THSD7B: variants seen among roughly 807,000 people sequenced by gnomAD.
THSD7B encodes the protein thrombospondin type-1 domain-containing protein 7B.
In THSD7B, 138 loss-of-function variants were observed where a neutral mutation model predicts 213.6. The observed-to-expected ratio is 0.65, with a 90% CI of 0.56 to 0.74. The LOEUF is 0.74. THSD7B is among the 30% of genes least tolerant of loss of function. THSD7B has a pLI of 0.00. For synonymous variants in THSD7B, 742 were observed against 687.0 expected, an observed-to-expected ratio of 1.08 and a Z score of -1.25; for missense variants, 1,931 against 1,991.5, an observed-to-expected ratio of 0.97 and a Z score of 0.58.
At position 137,430,026 on chromosome 2, in the gene THSD7B, T is replaced by C. The variant is rs150350743; in HGVS notation, c.2959+18154T>C. ...GGGAAACCTAGGTAGGAGGATCTCT[T>C]GAGCCCAGGATTTTGAGACCAGCCT... is the stretch of plus-strand genomic sequence containing the variant. On this transcript the variant is annotated intron_variant, in intron 14 of 27. Transcript: ENST00000409968. 5.9e-3 allele frequency among the ~76,000 whole-genome samples: 895 copies of C among 152,194 alleles called. 5 individuals are homozygous for C. The highest frequency in any genetic ancestry group is 9.7e-3 in the Non-Finnish European group (660 of 67,992).
chr2:137,556,437 A>G (rs1680969612), intron 15 of THSD7B, among the ~76,000 whole-genome samples: 1 of 152,176 alleles, frequency 6.6e-6, no homozygotes, highest in Non-Finnish European at 1.5e-5. Flanking sequence ...ATATCCAGCC[A>G]AACTAAGCTT....
intron 14 of THSD7B, among the ~76,000 whole-genome samples, chr2:137,429,470 ACATT>A (rs2105037665): frequency 6.6e-6 from 1 of 152,334 alleles, no homozygotes; most frequent in African/African-American, 2.4e-5. Context: ...CACTATACAC[ACATT>A]CACACACATT....
chr2:137,445,400 A>G (rs1452528241), intron 14 of THSD7B, among the ~76,000 whole-genome samples: 1 of 152,044 alleles, frequency 6.6e-6, no homozygotes, highest in Non-Finnish European at 1.5e-5. Flanking sequence ...ATGTATATAC[A>G]CAATGGAATA....
At chr2:136,914,006 A>G (rs1252659330) in intron 2 of THSD7B, among the ~76,000 whole-genome samples, 1 of 152,184 alleles carries the variant, frequency 6.6e-6, no homozygotes, top group Non-Finnish European at 1.5e-5. Context: ...AAAGCCACAG[A>G]CACTCAACAC....
Position 137,467,971 on chromosome 2 carries a change from A to G in THSD7B, c.3138+16948A>G, listed in dbSNP as rs1227049325. ...TGTAAGCCTCTTTGGGTTATTTATG[A>G]ATGATTTAAAGGCATAGTAAAATTA... On this transcript the variant is annotated intron_variant, in intron 15 of 27. Transcript: ENST00000409968. Among the ~76,000 whole-genome samples the G allele has an allele frequency of 2.0e-5, 3 of 152,230 alleles. No individual in the cohort carries two copies. The South Asian group carries it at 6.2e-4, about 32-fold the overall frequency.
At chr2:136,839,574 CCTT>C (rs1322890322) in intron 1 of THSD7B, among the ~76,000 whole-genome samples, 1 of 152,168 alleles carries the variant, frequency 6.6e-6, no homozygotes, top group Non-Finnish European at 1.5e-5. Flanking sequence ...CTGGCATTGA[CCTT>C]CTTCCTTTAG....
At chr2:136,895,164 C>T (rs1338352738) in intron 2 of THSD7B, among the ~76,000 whole-genome samples, 4 of 152,124 alleles carry the variant, frequency 2.6e-5, no homozygotes, top group Admixed American at 6.5e-5. Context: ...TATATTATGG[C>T]ACCTTCTCTT....
At chr2:137,310,003 G>C (rs1168713705) in intron 12 of THSD7B, among the ~76,000 whole-genome samples, 5 of 149,878 alleles carry the variant, frequency 3.3e-5, no homozygotes, top group South Asian at 2.2e-4. Flanking sequence ...ATGATTTATA[G>C]TCCTTTGGGT....
At chr2:137,396,787 G>A (rs1239974522) in intron 12 of THSD7B, among the ~76,000 whole-genome samples, 6 of 151,404 alleles carry the variant, frequency 4.0e-5, no homozygotes, top group East Asian at 1.9e-4. Flanking sequence ...CATTATTAAT[G>A]TGTGGGAGTC....
At chr2:137,470,930 T>C (rs1688081843) in intron 15 of THSD7B, among the ~76,000 whole-genome samples, 1 of 93,454 alleles carries the variant, frequency 1.1e-5, no homozygotes, top group African/African-American at 3.7e-5. Context: ...TTTTTTTTTT[T>C]CTTTTTTGAG....
intron 15 of THSD7B, among the ~76,000 whole-genome samples, chr2:137,469,848 C>A (rs960499857): frequency 6.6e-6 from 1 of 152,170 alleles, no homozygotes; most frequent in South Asian, 2.1e-4. Context: ...ACATTAGCTG[C>A]ATCTTTTGGA....
intron 12 of THSD7B, among the ~76,000 whole-genome samples, chr2:137,314,830 G>A (rs556780944): frequency 6.6e-6 from 1 of 152,342 alleles, no homozygotes; most frequent in African/African-American, 2.4e-5. Flanking sequence ...GGGGTCAGGG[G>A]TCAGGGACCC....
chr2:137,129,099 T>C (rs901333083), intron 5 of THSD7B, among the ~76,000 whole-genome samples: 1 of 152,150 alleles, frequency 6.6e-6, no homozygotes, highest in African/African-American at 2.4e-5. Flanking sequence ...TAATTCTTTG[T>C]CAAAGAACCT....
At chr2:137,161,069 AAGGGTCATTATGT>A (rs1357564455) in intron 6 of THSD7B, among the ~76,000 whole-genome samples, 2 of 152,166 alleles carry the variant, frequency 1.3e-5, no homozygotes, top group Non-Finnish European at 2.9e-5. Flanking sequence ...AGATTTTTGC[AAGGGTCATTATGT>A]ATATTGTTTA....
chr2:137,004,296 TACACACACACACACACACACACACAC>T (rs34674642), intron 2 of THSD7B, among the ~76,000 whole-genome samples: 10 of 131,584 alleles, frequency 7.6e-5, no homozygotes, highest in Admixed American at 3.0e-4. Context: ...TGTGCACACG[TACACACACACACACACACACACACAC>T]ACACACACAC....
chr2:137,031,363 CATAA>C (rs1686663410), intron 2 of THSD7B, among the ~76,000 whole-genome samples: 1 of 151,492 alleles, frequency 6.6e-6, no homozygotes, highest in South Asian at 2.1e-4. Context: ...TGAATAAATA[CATAA>C]ATAAATAAAT....
chr2:136,967,250 A>G (rs76792477), intron 2 of THSD7B, among the ~76,000 whole-genome samples: 419 of 152,332 alleles, frequency 2.8e-3, no homozygotes, highest in African/African-American at 9.5e-3. Context: ...GGACTGTTTC[A>G]AAGTTGTTTT....
intron 15 of THSD7B, among the ~76,000 whole-genome samples, chr2:137,489,615 C>G (rs898570638): frequency 6.6e-6 from 1 of 152,048 alleles, no homozygotes; most frequent in Non-Finnish European, 1.5e-5. Context: ...CTTACAGTAG[C>G]CTTTAAAATC....
intron 17 of THSD7B, among the ~76,000 whole-genome samples, chr2:137,614,958 G>T (rs1682356235): frequency 6.6e-6 from 1 of 152,134 alleles, no homozygotes; most frequent in Non-Finnish European, 1.5e-5. Context: ...CCCACTTATA[G>T]AAATGGTGAT....
Sources: gnomAD v4.1 joint callset for allele counts (sites outside exome capture counted in the v4.1 genomes callset) on GRCh38, gnomAD v4.1.1 for gene constraint, MANE v1.5 for transcripts, NCBI Gene and HGNC (gene_info 2026-07-23, HGNC 2026-07-21) for gene names.